The following MAGI2 variants were observed in gnomAD, a reference collection of about 807,000 sequenced individuals.
The protein encoded by MAGI2 is membrane-associated guanylate kinase, WW and PDZ domain-containing protein 2.
A neutral mutation model predicts 133.3 loss-of-function variants in MAGI2; 35 were observed. That is an observed-to-expected ratio of 0.26 (90% CI 0.20 to 0.35). MAGI2 has a LOEUF of 0.35. Ranked by LOEUF, MAGI2 falls within the 10% of genes least tolerant of loss-of-function variation. MAGI2 has a pLI of 1.00. For synonymous variants in MAGI2, 729 were observed against 710.6 expected (o/e 1.03, Z -0.41); for missense variants, 1,636 against 1,863.4 (o/e 0.88, Z 2.25).
Position 78,245,618 on chromosome 7 carries a change from C to T in MAGI2, c.2047+10325G>A, listed in dbSNP as rs546509299. ...AGGATGGAAGGAAACCCCTGGCCTC[C>T]ACCACCTCACCTCCCAGCTGGGCTC... On this transcript the variant is annotated intron_variant, in intron 10 of 21. Transcript: ENST00000354212. 9.2e-5 allele frequency among the ~76,000 whole-genome samples: 14 copies of T among 152,242 alleles called. No homozygotes were observed. The South Asian group carries it at 2.9e-3, about 32-fold the overall frequency.
chr7:79,070,690 A>T (rs1374633184), intron 1 of MAGI2, among the ~76,000 whole-genome samples: 1 of 151,598 alleles, frequency 6.6e-6, no homozygotes, highest in South Asian at 2.1e-4. Context: ...ACGGGGTTTC[A>T]CTGTGTTAGC....
chr7:78,618,661 T>G (rs996405416), intron 3 of MAGI2: 1 of 151,838 alleles, frequency 6.6e-6, no homozygotes, highest in African/African-American at 2.4e-5. Context: ...TATATTGTGG[T>G]ATATACAATA....
At chr7:79,214,315 T>C (rs1318993148) in intron 1 of MAGI2, among the ~76,000 whole-genome samples, 1 of 145,760 alleles carries the variant, frequency 6.9e-6, no homozygotes, top group African/African-American at 2.6e-5. Context: ...TTTACTTGGT[T>C]GCTACAGCAT....
In MAGI2 at chr7:78,018,998, G is replaced by A. The variant is rs546194591; in HGVS notation, c.*317C>T. 78 of 401,684 alleles carry A rather than the reference G, an allele frequency of 1.9e-4. No individual in the cohort carries two copies. The highest frequency in any genetic ancestry group is 7.0e-5 in the Non-Finnish European group (16 of 227,888). The allele number at this position is 401,684 out of a possible 1,614,324, so 24.9% of individuals were successfully genotyped here. Reference sequence around the variant, plus strand: ...GACATCCAAGTCCTTCATGCAGTGGGGAGGAATATTTTTTTTTCTTAAACT... The same window carrying A: ...GACATCCAAGTCCTTCATGCAGTGGAGAGGAATATTTTTTTTTCTTAAACT... On this transcript the variant is annotated 3_prime_UTR_variant, in exon 22 of 22. Coordinates refer to ENST00000354212, the MANE Select transcript of MAGI2 (RefSeq NM_012301.4).
chr7:78,547,012 T>C (rs1798904182), intron 3 of MAGI2, among the ~76,000 whole-genome samples: 2 of 152,202 alleles, frequency 1.3e-5, no homozygotes, highest in South Asian at 2.1e-4. Context: ...CACTTAATTG[T>C]ACAGTAAGTT....
chr7:78,720,471 T>C (rs1469239109), intron 2 of MAGI2, among the ~76,000 whole-genome samples: 1 of 152,038 alleles, frequency 6.6e-6, no homozygotes, highest in East Asian at 1.9e-4. Context: ...ACAGTATGGG[T>C]CTAAAATCAG....
At chr7:79,186,321 T>G (rs1827144416) in intron 1 of MAGI2, among the ~76,000 whole-genome samples, 1 of 148,448 alleles carries the variant, frequency 6.7e-6, no homozygotes, top group Admixed American at 6.8e-5. Context: ...CACTTATCAC[T>G]CAGTCTTTTA....
chr7:79,265,992 A>G (rs566802415), intron 1 of MAGI2, among the ~76,000 whole-genome samples: 1 of 152,190 alleles, frequency 6.6e-6, no homozygotes, highest in Non-Finnish European at 1.5e-5. Context: ...AGAATTTAAC[A>G]AAGTGGAAAG....
chr7:78,961,451 G>A (rs371690553), intron 2 of MAGI2, among the ~76,000 whole-genome samples: 8 of 152,172 alleles, frequency 5.3e-5, no homozygotes, highest in South Asian at 4.1e-4. Flanking sequence ...ACTGGATTAC[G>A]TACCCTAAAC....
intron 2 of MAGI2, among the ~76,000 whole-genome samples, chr7:78,935,979 AT>A (rs1199208409): frequency 6.6e-6 from 1 of 152,054 alleles, no homozygotes; most frequent in African/African-American, 2.4e-5. Context: ...TCTAGATGTA[AT>A]TTTTTAATAT....
At chr7:78,564,177 G>A (rs984435534) in intron 3 of MAGI2, among the ~76,000 whole-genome samples, 1 of 152,112 alleles carries the variant, frequency 6.6e-6, no homozygotes, top group African/African-American at 2.4e-5. Flanking sequence ...CCGCACAACT[G>A]CCTCATAATC....
intron 2 of MAGI2, among the ~76,000 whole-genome samples, chr7:78,917,855 C>T (rs1163900190): frequency 6.6e-6 from 1 of 152,090 alleles, no homozygotes; most frequent in East Asian, 1.9e-4. Flanking sequence ...ACAACTCAGC[C>T]ACAGCTAAAC....
chr7:79,311,344 C>T (rs1838275805), intron 1 of MAGI2, among the ~76,000 whole-genome samples: 1 of 152,106 alleles, frequency 6.6e-6, no homozygotes, highest in African/African-American at 2.4e-5. Context: ...ATGAGCTAAA[C>T]ATAAATCACC....
chr7:79,155,579 G>A (rs1025992990), intron 1 of MAGI2, among the ~76,000 whole-genome samples: 1 of 152,100 alleles, frequency 6.6e-6, no homozygotes, highest in African/African-American at 2.4e-5. Flanking sequence ...TCCAGAGAAG[G>A]ATATTTTCCT....
At chr7:78,381,308 C>T (rs1285829155) in intron 6 of MAGI2, among the ~76,000 whole-genome samples, 2 of 151,986 alleles carry the variant, frequency 1.3e-5, no homozygotes, top group African/African-American at 4.8e-5. Flanking sequence ...GATCGCGCCA[C>T]TGCACTCCAA....
At chr7:78,959,041 G>A (rs535987546) in intron 2 of MAGI2, among the ~76,000 whole-genome samples, 11 of 152,144 alleles carry the variant, frequency 7.2e-5, no homozygotes, top group African/African-American at 1.9e-4. Context: ...TCTGCAACTC[G>A]GCCACGGGCA....
intron 2 of MAGI2, among the ~76,000 whole-genome samples, chr7:78,845,275 T>G (rs1315537693): frequency 6.6e-6 from 1 of 151,962 alleles, no homozygotes; most frequent in African/African-American, 2.4e-5. Context: ...ACAAATCTAT[T>G]ACTTTATCAT....
intron 21 of MAGI2, among the ~76,000 whole-genome samples, chr7:78,030,315 G>A (rs1809430489): frequency 6.6e-6 from 1 of 152,124 alleles, no homozygotes; most frequent in Admixed American, 6.5e-5. Context: ...CCAGGCTGGA[G>A]TGCAATGGTG....
intron 2 of MAGI2, among the ~76,000 whole-genome samples, chr7:78,762,734 G>C (rs918764328): frequency 1.3e-5 from 2 of 152,112 alleles, no homozygotes; most frequent in African/African-American, 2.4e-5. Flanking sequence ...TAAATTATGT[G>C]GTATGAATAT....
Sources: allele counts gnomAD v4.1 joint callset (sites outside exome capture counted in the v4.1 genomes callset), GRCh38; gene constraint gnomAD v4.1.1; transcripts MANE v1.5; gene names NCBI Gene and HGNC (gene_info 2026-07-23, HGNC 2026-07-21).